Variants in OLA1 observed in about 807,000 individuals in gnomAD.
The protein encoded by OLA1 is Obg like ATPase 1.
A neutral mutation model predicts 48.4 loss-of-function variants in OLA1; 14 were observed. The ratio of observed to expected loss-of-function variants is 0.29; its 90% CI spans 0.19 to 0.45. The LOEUF is 0.45. Ranked by LOEUF, OLA1 falls within the 20% of genes least tolerant of loss-of-function variation. The pLI, the probability that OLA1 is intolerant of heterozygous loss-of-function variation, is 1.00. For synonymous variants in OLA1, 127 were observed against 150.4 expected (o/e 0.84, Z 1.14); for missense variants, 325 against 467.1 (o/e 0.70, Z 2.80).
chr2:174,118,106 C>A (rs765321093), intron 7 of OLA1, among the ~76,000 whole-genome samples: 2 of 152,144 alleles, frequency 1.3e-5, no homozygotes, highest in Non-Finnish European at 2.9e-5. Context: ...GTGCTACACA[C>A]TTTTAAACAA....
intron 7 of OLA1, among the ~76,000 whole-genome samples, chr2:174,102,839 T>C (rs1290934969): frequency 1.3e-5 from 2 of 152,366 alleles, no homozygotes; most frequent in East Asian, 3.9e-4. Context: ...CTGATCTTCC[T>C]ATTGTATCAA....
intron 4 of OLA1, among the ~76,000 whole-genome samples, chr2:174,202,508 A>G (rs964184878): frequency 6.6e-6 from 1 of 152,184 alleles, no homozygotes; most frequent in South Asian, 2.1e-4. Context: ...GTTTAATGCT[A>G]TATTGTAAAC....
chr2:174,207,536 C>T (rs1368891128), intron 4 of OLA1, among the ~76,000 whole-genome samples: 1 of 152,144 alleles, frequency 6.6e-6, no homozygotes, highest in Non-Finnish European at 1.5e-5. Flanking sequence ...TCTGACCAGC[C>T]TATGAGTGGT....
chr2:174,181,031 C>T (rs34281875), intron 4 of OLA1, among the ~76,000 whole-genome samples: 17,910 of 152,168 alleles, frequency 0.12, 1,357 homozygotes, highest in East Asian at 0.21. Context: ...TACAAGGAGG[C>T]TGGTAGCATC....
intron 4 of OLA1, among the ~76,000 whole-genome samples, chr2:174,199,689 T>G (rs898064682): frequency 6.6e-6 from 1 of 151,974 alleles, no homozygotes; most frequent in African/African-American, 2.4e-5. Flanking sequence ...GGTAAAAGAG[T>G]CACTCAAAGT....
At chr2:174,127,092 C>T (rs1206519273) in intron 5 of OLA1, among the ~76,000 whole-genome samples, 2 of 152,152 alleles carry the variant, frequency 1.3e-5, no homozygotes, top group African/African-American at 2.4e-5. Context: ...TAGAAATGCT[C>T]TATTTTCTTG....
intron 7 of OLA1, among the ~76,000 whole-genome samples, chr2:174,099,397 G>A (rs1213185105): frequency 1.3e-5 from 2 of 152,060 alleles, no homozygotes; most frequent in African/African-American, 4.8e-5. Flanking sequence ...CTTATGATCC[G>A]CCCGCCTTGG....
At chr2:174,212,010 T>G (rs540886472) in intron 4 of OLA1, among the ~76,000 whole-genome samples, 34 of 133,932 alleles carry the variant, frequency 2.5e-4, no homozygotes, top group Admixed American at 5.1e-4. Flanking sequence ...AGGCAAACAG[T>G]GCTGTTTTTA....
intron 4 of OLA1, among the ~76,000 whole-genome samples, chr2:174,159,405 A>T (rs1034885142): frequency 6.6e-6 from 1 of 152,082 alleles, no homozygotes; most frequent in Non-Finnish European, 1.5e-5. Context: ...TCCCACATAC[A>T]CTGATTTTAT....
At chr2:174,166,139 C>A (rs1411908690) in intron 4 of OLA1, among the ~76,000 whole-genome samples, 3 of 145,676 alleles carry the variant, frequency 2.1e-5, no homozygotes, top group Non-Finnish European at 4.5e-5. Context: ...AAAAAAAAAA[C>A]CTCAAATGTC....
chr2:174,190,206 G>T (rs10930647), intron 4 of OLA1, among the ~76,000 whole-genome samples: 58,868 of 151,984 alleles, frequency 0.39, 13,096 homozygotes, highest in East Asian at 0.92. Flanking sequence ...GGACATGGTA[G>T]ATACAGACAA....
chr2:174,166,259 C>G (rs1246320897), intron 4 of OLA1, among the ~76,000 whole-genome samples: 1 of 151,872 alleles, frequency 6.6e-6, no homozygotes, highest in Admixed American at 6.6e-5. Flanking sequence ...TAAAAATAAG[C>G]CAAAGTATTT....
At chr2:174,190,944 CAA>C (rs774971306) in intron 4 of OLA1, among the ~76,000 whole-genome samples, 464 of 32,828 alleles carry the variant, frequency 0.014, 2 homozygotes, top group African/African-American at 0.057. Context: ...GACTTCGTCT[CAA>C]AAAAAAAAAA....
At chr2:174,195,805 C>A (rs993239353) in intron 4 of OLA1, among the ~76,000 whole-genome samples, 2 of 152,088 alleles carry the variant, frequency 1.3e-5, no homozygotes, top group African/African-American at 4.8e-5. Context: ...ATACCTTTTA[C>A]CTATTATTAA....
intron 7 of OLA1, among the ~76,000 whole-genome samples, chr2:174,117,839 C>T (rs1280555640): frequency 1.3e-5 from 2 of 152,318 alleles, no homozygotes; most frequent in East Asian, 1.9e-4. Flanking sequence ...CCACTCCCAA[C>T]AGTCCTGAGA....
intron 4 of OLA1, among the ~76,000 whole-genome samples, chr2:174,166,142 C>T (rs1687159067): frequency 6.7e-6 from 1 of 148,514 alleles, no homozygotes; most frequent in Non-Finnish European, 1.5e-5. Context: ...AAAAAAACCT[C>T]AAATGTCACC....
At chr2:174,139,813 C>T (rs769159748) in intron 5 of OLA1, among the ~76,000 whole-genome samples, 165 of 142,680 alleles carry the variant, frequency 1.2e-3, no homozygotes, top group Non-Finnish European at 1.8e-3. Context: ...TGCAGTGAGC[C>T]GAGATAGTGC....
At chr2:174,166,155 C>T (rs1460985762) in intron 4 of OLA1, among the ~76,000 whole-genome samples, 2 of 151,500 alleles carry the variant, frequency 1.3e-5, no homozygotes, top group African/African-American at 4.9e-5. Context: ...ATGTCACCTC[C>T]TATTCCTTAT....
At chr2:174,093,773 C>T (rs1052678801) in intron 7 of OLA1, among the ~76,000 whole-genome samples, 2 of 152,174 alleles carry the variant, frequency 1.3e-5, no homozygotes, top group African/African-American at 4.8e-5. Flanking sequence ...TTTCCCAACC[C>T]TATATTATGT....
Sources: allele counts gnomAD v4.1 joint callset (sites outside exome capture counted in the v4.1 genomes callset), GRCh38; gene constraint gnomAD v4.1.1; transcripts MANE v1.5; gene names NCBI Gene and HGNC (gene_info 2026-07-23, HGNC 2026-07-21).